KLHL29: variants seen among roughly 807,000 people sequenced by gnomAD.
The protein encoded by KLHL29 is kelch like family member 29, also known as kelch-like protein 29.
KLHL29 carries 21 observed loss-of-function variants against 80.4 expected under a neutral mutation model. That is an observed-to-expected ratio of 0.26 (90% CI 0.19 to 0.38). The LOEUF (loss-of-function observed/expected upper bound fraction) is 0.38. Ranked by LOEUF, KLHL29 falls within the 10% of genes least tolerant of loss-of-function variation. The pLI, the probability that KLHL29 is intolerant of heterozygous loss-of-function variation, is 1.00. For missense variants in KLHL29, 867 were observed against 1,223.9 expected, an observed-to-expected ratio of 0.71 and a Z score of 4.35; for synonymous variants, 511 against 526.8, an observed-to-expected ratio of 0.97 and a Z score of 0.41.
In KLHL29 at chr2:23,680,382, A is replaced by C. The variant is rs956846206; in HGVS notation, c.941-4017A>C. Reference sequence around the variant, plus strand: ...GCAGGAGGAAGTGGGGAAAGGGGCAAAGAGGCCTGGGACAAAAATCTGAGC... The same window carrying C: ...GCAGGAGGAAGTGGGGAAAGGGGCACAGAGGCCTGGGACAAAAATCTGAGC... On this transcript the variant is annotated intron_variant, in intron 5 of 13. Coordinates refer to ENST00000486442, the MANE Select transcript of KLHL29 (RefSeq NM_052920.2). This position sits in a 1 kb window ranked among gnomAD's most constrained non-coding sequence, Gnocchi z 4.1. Among the ~76,000 whole-genome samples, 1 of 152,166 alleles carries C rather than the reference A, an allele frequency of 6.6e-6. No individual in the cohort carries two copies. Among genetic ancestry groups the C allele is most frequent in the Admixed American group, 6.5e-5 (1 of 15,284 alleles).
intron 2 of KLHL29, chr2:23,524,380 C>T: frequency 5.7e-6 from 1 of 174,272 alleles, no homozygotes; most frequent in Non-Finnish European, 1.2e-5. Context: ...ACCTTTAGGT[C>T]CTGCCCCGGG....
At chr2:23,697,536 G>A (rs1672040644) in intron 11 of KLHL29, 1 of 152,296 alleles carries the variant, frequency 6.6e-6, no homozygotes, top group African/African-American at 2.4e-5. Flanking sequence ...TGTTGCCTAT[G>A]AAGCCACACA....
At chr2:23,579,512 C>T (rs1202930150) in intron 3 of KLHL29, among the ~76,000 whole-genome samples, 1 of 152,120 alleles carries the variant, frequency 6.6e-6, no homozygotes. Flanking sequence ...CTCTTCCCTC[C>T]CTCGCCATCC....
chr2:23,534,474 G>A (rs1236475951), intron 2 of KLHL29, among the ~76,000 whole-genome samples: 1 of 151,864 alleles, frequency 6.6e-6, no homozygotes, highest in East Asian at 1.9e-4. Context: ...TCCTTTCAGA[G>A]GCTACTATGA....
chr2:23,418,048 C>T (rs72776728), intron 1 of KLHL29, among the ~76,000 whole-genome samples: 2 of 152,290 alleles, frequency 1.3e-5, no homozygotes, highest in African/African-American at 2.4e-5. Flanking sequence ...TTTCTGTCCC[C>T]GAAGCCCAGC....
intron 3 of KLHL29, among the ~76,000 whole-genome samples, chr2:23,575,666 A>G (rs1667825301): frequency 6.6e-6 from 1 of 152,164 alleles, no homozygotes; most frequent in South Asian, 2.1e-4. Flanking sequence ...CGGCCTTTTT[A>G]TGATGCTGCT....
rs1391641481 is a variant in KLHL29, at chr2:23,457,836, AC to A, written c.-153-17721del. Reference sequence around the variant, plus strand: ...AGACCATCCTGGCTAACACAGTGAAACCCTGTCTCTACTAAAAATACAAAAA... The same window carrying A: ...AGACCATCCTGGCTAACACAGTGAAACCTGTCTCTACTAAAAATACAAAAA... On this transcript the variant is annotated intron_variant, in intron 1 of 13. Transcript: ENST00000486442. The surrounding 1 kb of genome is among the most constrained non-coding windows in gnomAD (Gnocchi z 4.3). 6.6e-6 allele frequency among the ~76,000 whole-genome samples: 1 copy of A among 152,032 alleles called. No homozygotes were observed. Among genetic ancestry groups the A allele is most frequent in the Non-Finnish European group, 1.5e-5 (1 of 68,012 alleles).
At position 23,453,215 on chromosome 2, in the gene KLHL29, A is replaced by T. The variant is rs957290818; in HGVS notation, c.-153-22345A>T. On this transcript the variant is annotated intron_variant, in intron 1 of 13. Coordinates refer to ENST00000486442, the MANE Select transcript of KLHL29 (RefSeq NM_052920.2). The stretch of plus-strand genomic sequence containing the variant: ...ACAGTGTCTCTGAAAATTCTCTGGC[A>T]AACACTCCCTGGCCCCACCATAAAC... Among the ~76,000 whole-genome samples, 5 of 152,278 alleles carry T rather than the reference A, an allele frequency of 3.3e-5. 1 individual carries two copies. In the South Asian group the frequency reaches 1.0e-3, roughly 32 times the overall value.
At chr2:23,586,597 G>A (rs191745540) in intron 3 of KLHL29, among the ~76,000 whole-genome samples, 30 of 152,166 alleles carry the variant, frequency 2.0e-4, no homozygotes, top group Admixed American at 2.0e-3. Context: ...CTGACCTCAG[G>A]TGATCCGTCC....
Position 23,682,072 on chromosome 2 carries a change from C to G in KLHL29, c.941-2327C>G, listed in dbSNP as rs1671099904. On this transcript the variant is annotated intron_variant, in intron 5 of 13. Transcript: ENST00000486442. This position sits in a 1 kb window ranked among gnomAD's most constrained non-coding sequence, Gnocchi z 4.1. ...GTTCCCTCCCTTCCTGATGTCCCAC[C>G]ACCATCCCCTCCAAAAACCTGTTAG... Among the ~76,000 whole-genome samples, 1 of 152,146 alleles carries G rather than the reference C, an allele frequency of 6.6e-6. No homozygotes were observed. Among genetic ancestry groups the G allele is most frequent in the Non-Finnish European group, 1.5e-5 (1 of 68,026 alleles).
intron 3 of KLHL29, among the ~76,000 whole-genome samples, chr2:23,621,885 A>G (rs1273401683): frequency 2.0e-5 from 3 of 152,180 alleles, no homozygotes; most frequent in Non-Finnish European, 4.4e-5. Flanking sequence ...GGCAGCTACC[A>G]CATATCCCTG....
At chr2:23,493,360 T>A (rs1282616988) in intron 2 of KLHL29, among the ~76,000 whole-genome samples, 1 of 152,180 alleles carries the variant, frequency 6.6e-6, no homozygotes. Context: ...TTTCATTTTT[T>A]AAAAAATCGG....
intron 2 of KLHL29, among the ~76,000 whole-genome samples, chr2:23,481,958 C>G (rs1664808939): frequency 6.6e-6 from 1 of 151,968 alleles, no homozygotes; most frequent in African/African-American, 2.4e-5. Context: ...AGTGCTGAGA[C>G]TGGGCTGGGG....
In KLHL29 at chr2:23,681,912, C is replaced by T. The variant is rs144868687; in HGVS notation, c.941-2487C>T. Among the ~76,000 whole-genome samples the T allele has an allele frequency of 9.7e-4, 148 of 152,272 alleles. 3 individuals carry two copies. The East Asian group carries it at 0.028, about 29-fold the overall frequency. ...GCCTGGCCCTGCAACTGGCCCTGTG[C>T]TGTCTCCCCTCCGCCTGGGCTGTGC... On this transcript the variant is annotated intron_variant, in intron 5 of 13. Transcript: ENST00000486442. This position sits in a 1 kb window ranked among gnomAD's most constrained non-coding sequence, Gnocchi z 4.2.
intron 1 of KLHL29, among the ~76,000 whole-genome samples, chr2:23,403,615 A>G (rs1666646218): frequency 1.3e-5 from 2 of 152,188 alleles, no homozygotes; most frequent in African/African-American, 4.8e-5. Flanking sequence ...GCAATTAACC[A>G]GGTCCTGGAC....
intron 5 of KLHL29, among the ~76,000 whole-genome samples, chr2:23,683,342 C>T (rs990757273): frequency 3.9e-5 from 6 of 152,234 alleles, no homozygotes; most frequent in Admixed American, 6.5e-5. Flanking sequence ...GGGCCTCTGA[C>T]GCGCAGCTGC....
At chr2:23,603,019 C>T (rs1017477829) in intron 3 of KLHL29, among the ~76,000 whole-genome samples, 6 of 152,310 alleles carry the variant, frequency 3.9e-5, no homozygotes, top group African/African-American at 1.4e-4. Context: ...CTGAGTATGG[C>T]GTGAGCCACC....
At chr2:23,529,401 C>T (rs1666427267) in intron 2 of KLHL29, among the ~76,000 whole-genome samples, 1 of 152,194 alleles carries the variant, frequency 6.6e-6, no homozygotes, top group Non-Finnish European at 1.5e-5. Context: ...AGGCATGAGC[C>T]CCTGCAGCTG....
intron 3 of KLHL29, among the ~76,000 whole-genome samples, chr2:23,589,355 G>A (rs927077778): frequency 2.6e-5 from 4 of 152,254 alleles, no homozygotes; most frequent in Admixed American, 1.3e-4. Flanking sequence ...AAGGCAGTGC[G>A]CTGGCAGCTG....
Sources: gnomAD v4.1 joint callset for allele counts (sites outside exome capture counted in the v4.1 genomes callset) on GRCh38, gnomAD v4.1.1 for gene constraint, Gnocchi (gnomAD v3.1) non-coding constraint, MANE v1.5 for transcripts, NCBI Gene and HGNC (gene_info 2026-07-23, HGNC 2026-07-21) for gene names.